Variants in UNC13B observed in about 807,000 individuals in gnomAD.
UNC13B encodes protein unc-13 homolog B.
UNC13B carries 144 observed loss-of-function variants against 211.0 expected under a neutral mutation model. That is an observed-to-expected ratio of 0.68 (90% CI 0.60 to 0.78). The LOEUF (loss-of-function observed/expected upper bound fraction) is 0.78. Ranked by LOEUF, UNC13B falls within the 30% of genes least tolerant of loss-of-function variation. UNC13B has a pLI of 0.00. For missense variants in UNC13B, 1,777 were observed against 2,002.0 expected, an observed-to-expected ratio of 0.89 and a Z score of 2.14; for synonymous variants, 709 against 725.8, an observed-to-expected ratio of 0.98 and a Z score of 0.37.
At position 35,371,373 on chromosome 9, in the gene UNC13B, G is replaced by A. The variant is rs77003854; in HGVS notation, c.9540+977G>A. On this transcript the variant is annotated intron_variant, in intron 13 of 39. Transcript: ENST00000635942. ...TCTTTTTTTTTTTTTTTATAGAGAC[G>A]GAGTCCCTGTTACCCAGGCTGGTCT... is the stretch of plus-strand genomic sequence containing the variant. Among the ~76,000 whole-genome samples, 77 of 143,848 alleles carry A rather than the reference G, an allele frequency of 5.4e-4. 1 individual carries two copies. The highest frequency in any genetic ancestry group is 1.9e-3 in the African/African-American group (72 of 38,786). The allele number at this position is 143,848 out of a possible 152,430, so 94.4% of individuals were successfully genotyped here.
chr9:35,268,898 T>C (rs573536047), intron 7 of UNC13B, among the ~76,000 whole-genome samples: 2 of 152,362 alleles, frequency 1.3e-5, no homozygotes, highest in Non-Finnish European at 2.9e-5. Flanking sequence ...TGCCTAAATT[T>C]ATTATTACAC....
intron 11 of UNC13B, among the ~76,000 whole-genome samples, chr9:35,330,565 G>A (rs1831314085): frequency 6.6e-6 from 1 of 152,210 alleles, no homozygotes; most frequent in South Asian, 2.1e-4. Flanking sequence ...GACCACCAAA[G>A]AAGAGGAAGA....
intron 6 of UNC13B, among the ~76,000 whole-genome samples, chr9:35,257,370 T>TAAATATATTTATATAAATATTTATA (rs1826966899): frequency 3.3e-5 from 2 of 60,680 alleles, no homozygotes; most frequent in Non-Finnish European, 3.0e-5. Context: ...TAAATATTTA[T>TAAATATATTTATATAAATATTTATA]AAAATATTTA....
intron 11 of UNC13B, chr9:35,351,738 T>C: frequency 8.1e-7 from 1 of 1,232,302 alleles, no homozygotes; most frequent in Non-Finnish European, 1.0e-6. Flanking sequence ...GATGGGGACC[T>C]GGCCCAGCTT....
At chr9:35,342,137 A>T in intron 11 of UNC13B, 1 of 985,374 alleles carries the variant, frequency 1.0e-6, no homozygotes, top group Non-Finnish European at 1.2e-6. Flanking sequence ...GCAACTGAGA[A>T]TATTAGCTCC....
At chr9:35,198,533 A>G (rs1823074140) in intron 1 of UNC13B, among the ~76,000 whole-genome samples, 2 of 152,232 alleles carry the variant, frequency 1.3e-5, no homozygotes, top group African/African-American at 2.4e-5. Context: ...AGACTAATAC[A>G]GAAAATTGGT....
chr9:35,377,592 C>A lies in UNC13B; in HGVS notation c.9960C>A (p.Asp3320Glu). Residue 3320 changes from aspartate (D) to glutamate (E), a missense_variant, in exon 16 of 40, where the codon GAC becomes GAA. Asp to Glu is a conservative substitution (Grantham distance 45). Transcript: ENST00000635942. The stretch of plus-strand genomic sequence containing the variant: ...CAGAGATCTTTGAAGTTATCCGGGA[C>A]GTCTTCACAGTGAACAAAGCTGCCC... Reference protein sequence around the residue: ...NKPEIFEVIRDVFTVNKAAHV... With the variant: ...NKPEIFEVIREVFTVNKAAHV... The A allele has an allele frequency of 6.2e-7, 1 of 1,614,210 alleles. No individual in the cohort carries two copies. The highest frequency in any genetic ancestry group is 1.3e-5 in the African/African-American group (1 of 75,034).
chr9:35,211,266 A>G (rs570281183), intron 1 of UNC13B, among the ~76,000 whole-genome samples: 1 of 152,320 alleles, frequency 6.6e-6, no homozygotes, highest in East Asian at 1.9e-4. Flanking sequence ...GTGTTCTTCT[A>G]GATTTTTTAT....
At chr9:35,399,334 C>T (rs754651355) in intron 34 of UNC13B, 50 bp downstream of exon 34, 1 of 1,614,176 alleles carries the variant, frequency 6.2e-7, no homozygotes, top group Non-Finnish European at 8.5e-7. Context: ...TCCCCTCACT[C>T]CCTGCTTCCT....
At chr9:35,182,481 T>G (rs1037320937) in intron 1 of UNC13B, among the ~76,000 whole-genome samples, 4 of 151,884 alleles carry the variant, frequency 2.6e-5, no homozygotes, top group African/African-American at 9.7e-5. Flanking sequence ...TTTTTATTTT[T>G]TTTAGTATTT....
In UNC13B at chr9:35,243,289, A is replaced by G. The variant is rs765120576; in HGVS notation, c.395-2A>G. 6.2e-7 allele frequency: 1 copy of G among 1,612,918 alleles called. No homozygotes were observed. The highest frequency in any genetic ancestry group is 8.5e-7 in the Non-Finnish European group (1 of 1,179,266). On this transcript the variant is annotated splice_acceptor_variant, in intron 5 of 39. Transcript: ENST00000635942. LOFTEE classifies it high-confidence loss of function. ...TTCTTTTTCTTCTTTTTTTTATGGT[A>G]GATATCCCAGAGGAGGAAGCCAGAT...
chr9:35,212,352 C>A (rs1481546690), intron 1 of UNC13B, among the ~76,000 whole-genome samples: 1 of 152,182 alleles, frequency 6.6e-6, no homozygotes, highest in Admixed American at 6.5e-5. Flanking sequence ...ATTAGTGGAT[C>A]GCTTGAGGCT....
intron 12 of UNC13B, among the ~76,000 whole-genome samples, chr9:35,370,009 C>G (rs1298911141): frequency 6.6e-6 from 1 of 152,178 alleles, no homozygotes; most frequent in African/African-American, 2.4e-5. Flanking sequence ...CCTACCTTGC[C>G]TTATGGAGCA....
At chr9:35,230,654 T>C (rs74757087) in intron 2 of UNC13B, among the ~76,000 whole-genome samples, 3,436 of 152,238 alleles carry the variant, frequency 0.023, 61 homozygotes, top group Non-Finnish European at 0.034. Context: ...TGTATCTCTT[T>C]CTACATTTTA....
At chr9:35,365,129 AAACC>A (rs1833693932) in intron 11 of UNC13B, among the ~76,000 whole-genome samples, 1 of 152,200 alleles carries the variant, frequency 6.6e-6, no homozygotes, top group Admixed American at 6.5e-5. Context: ...TGGTTTCCCC[AAACC>A]ATGTGAATGC....
chr9:35,220,320 A>G (rs1014853685), intron 1 of UNC13B, among the ~76,000 whole-genome samples: 1 of 151,392 alleles, frequency 6.6e-6, no homozygotes, highest in African/African-American at 2.4e-5. Context: ...GTTATTTTAA[A>G]ATGTACAATA....
chr9:35,186,641 G>A (rs376487359), intron 1 of UNC13B, among the ~76,000 whole-genome samples: 249 of 152,234 alleles, frequency 1.6e-3, no homozygotes, highest in African/African-American at 5.6e-3. Context: ...CTGACTGGTG[G>A]CAGATGTGTC....
At chr9:35,393,775 T>G (rs897642941) in intron 26 of UNC13B, among the ~76,000 whole-genome samples, 6 of 151,962 alleles carry the variant, frequency 3.9e-5, no homozygotes, top group Non-Finnish European at 8.8e-5. Flanking sequence ...TTTCACCATG[T>G]TGGCCAGTCT....
intron 1 of UNC13B, among the ~76,000 whole-genome samples, chr9:35,173,682 C>T (rs1338627230): frequency 6.6e-6 from 1 of 152,134 alleles, no homozygotes; most frequent in Non-Finnish European, 1.5e-5. Context: ...CCTCAGCCTC[C>T]CAAAGTGTTA....
Sources: allele counts gnomAD v4.1 joint callset (sites outside exome capture counted in the v4.1 genomes callset), GRCh38; gene constraint gnomAD v4.1.1; transcripts MANE v1.5; gene names NCBI Gene and HGNC (gene_info 2026-07-23, HGNC 2026-07-21).